The following DYSF variants were observed in gnomAD, a reference collection of about 807,000 sequenced individuals.
DYSF encodes the protein dystrophy-associated fer-1-like 1.
In DYSF, 212 loss-of-function variants were observed where a neutral mutation model predicts 274.9. That is an observed-to-expected ratio of 0.77 (90% confidence interval 0.69 to 0.86). DYSF has a LOEUF of 0.86. Among genes scored for constraint, DYSF ranks in the 40% least tolerant of loss-of-function variants. DYSF has a pLI of 0.00. For synonymous variants in DYSF, 1,091 were observed against 1,078.7 expected, an observed-to-expected ratio of 1.01 and a Z score of -0.22; for missense variants, 2,666 against 2,783.2, an observed-to-expected ratio of 0.96 and a Z score of 0.95.
intron 54 of DYSF, 58 bp from the exon 55 acceptor site, chr2:71,682,472 T>A: frequency 2.5e-6 from 4 of 1,612,438 alleles, no homozygotes; most frequent in South Asian, 1.1e-5. Flanking sequence ...AGAGAAGAGT[T>A]TGGAGAAAGC....
At chr2:71,507,927 C>A (rs2085665501) in intron 4 of DYSF, among the ~76,000 whole-genome samples, 1 of 152,204 alleles carries the variant, frequency 6.6e-6, no homozygotes, top group Non-Finnish European at 1.5e-5. Flanking sequence ...ATAGCTGGGA[C>A]TACAAGCATG....
At chr2:71,574,442 G>A in intron 30 of DYSF, 71 bp downstream of exon 30, 1 of 1,562,434 alleles carries the variant, frequency 6.4e-7, no homozygotes, top group Non-Finnish European at 8.7e-7. Flanking sequence ...TCGGGCTGAT[G>A]TGGGAGAGGC....
At chr2:71,599,832 A>G (rs1156343727) in intron 33 of DYSF, among the ~76,000 whole-genome samples, 1 of 152,214 alleles carries the variant, frequency 6.6e-6, no homozygotes, top group Admixed American at 6.5e-5. Flanking sequence ...GCTGCTGTCT[A>G]TATGCCTCAC....
intron 42 of DYSF, among the ~76,000 whole-genome samples, chr2:71,649,137 CAAAAAAAAAA>C (rs376775027): frequency 4.8e-4 from 43 of 89,718 alleles, no homozygotes; most frequent in African/African-American, 1.8e-3. Flanking sequence ...ACTTTGTCTC[CAAAAAAAAAA>C]AAAAAAAAAA....
At chr2:71,580,932 G>T (rs1211916031) in intron 30 of DYSF, among the ~76,000 whole-genome samples, 2 of 152,252 alleles carry the variant, frequency 1.3e-5, no homozygotes, top group Non-Finnish European at 2.9e-5. Context: ...GTGTGTTACA[G>T]TTGGGCACAT....
chr2:71,527,412 C>A (rs1010161906), intron 13 of DYSF, among the ~76,000 whole-genome samples: 1 of 152,110 alleles, frequency 6.6e-6, no homozygotes, highest in African/African-American at 2.4e-5. Context: ...CTGAAGAAAG[C>A]CTGTAAATAA....
intron 30 of DYSF, among the ~76,000 whole-genome samples, chr2:71,582,133 A>AAAAAT (rs2092918643): frequency 6.7e-6 from 1 of 149,170 alleles, no homozygotes; most frequent in Non-Finnish European, 1.5e-5. Context: ...AAAAAAAAAA[A>AAAAAT]GGCTTTATTG....
At chr2:71,478,961 A>T (rs2082648012) in intron 1 of DYSF, among the ~76,000 whole-genome samples, 1 of 151,790 alleles carries the variant, frequency 6.6e-6, no homozygotes, top group African/African-American at 2.4e-5. Context: ...ACCCCACAGG[A>T]GGCTGCACCT....
At chr2:71,511,677 C>A (rs1191850715) in intron 4 of DYSF, 130 bp from the exon 5 acceptor site, 2 of 727,006 alleles carry the variant, frequency 2.8e-6, no homozygotes, top group African/African-American at 1.7e-5. Flanking sequence ...TTTGCCACAG[C>A]CTCCTGCAAA....
intron 36 of DYSF, among the ~76,000 whole-genome samples, chr2:71,609,799 G>A (rs2093714501): frequency 6.6e-6 from 1 of 152,172 alleles, no homozygotes; most frequent in Admixed American, 6.5e-5. Flanking sequence ...TCATGGAGGT[G>A]GGGGGAAGCT....
intron 17 of DYSF, among the ~76,000 whole-genome samples, chr2:71,544,442 C>A (rs1219620401): frequency 6.8e-6 from 1 of 147,868 alleles, no homozygotes; most frequent in East Asian, 1.9e-4. Flanking sequence ...GGAGGAGATA[C>A]CATTTTTAAA....
intron 53 of DYSF, among the ~76,000 whole-genome samples, chr2:71,680,221 C>A (rs1262971497): frequency 6.6e-6 from 1 of 152,140 alleles, no homozygotes; most frequent in Admixed American, 6.5e-5. Context: ...CCCTAGAAAT[C>A]AAACCCAAAG....
At chr2:71,602,611 T>A in intron 35 of DYSF, 165 bp from the exon 36 acceptor site, 2 of 674,426 alleles carry the variant, frequency 3.0e-6, no homozygotes, top group Non-Finnish European at 5.3e-6. Context: ...GCATCATTCT[T>A]ACCCTTGGTG....
At chr2:71,608,450 G>A (rs1462488294) in intron 36 of DYSF, among the ~76,000 whole-genome samples, 2 of 152,134 alleles carry the variant, frequency 1.3e-5, no homozygotes, top group South Asian at 4.1e-4. Context: ...GGGACAGCAC[G>A]GTGGACAGAG....
intron 24 of DYSF, 45 bp downstream of exon 24, chr2:71,564,258 A>C (rs747531546): frequency 2.5e-6 from 4 of 1,612,284 alleles, no homozygotes; most frequent in Non-Finnish European, 3.4e-6. Context: ...TTTTCCCAAC[A>C]TAAGGCCTTT....
chr2:71,479,308 C>A (rs1573386758), intron 1 of DYSF, among the ~76,000 whole-genome samples: 1 of 151,694 alleles, frequency 6.6e-6, no homozygotes, highest in South Asian at 2.1e-4. Context: ...TTCTTTGGGA[C>A]CTTCAACACT....
chr2:71,660,537 A>T (rs746468668), intron 44 of DYSF, 23 bp from the exon 45 acceptor site: 1 of 1,601,626 alleles, frequency 6.2e-7, no homozygotes, highest in South Asian at 1.1e-5. Flanking sequence ...GTTTTCACAG[A>T]AGTGTTTTGT....
At chr2:71,501,311 G>A (rs908768074) in intron 3 of DYSF, among the ~76,000 whole-genome samples, 4 of 152,164 alleles carry the variant, frequency 2.6e-5, no homozygotes, top group African/African-American at 7.2e-5. Context: ...GCAAGGGCAC[G>A]AGCAAGGCGG....
At chr2:71,488,006 A>G (rs937869673) in intron 3 of DYSF, among the ~76,000 whole-genome samples, 12 of 152,342 alleles carry the variant, frequency 7.9e-5, no homozygotes. Context: ...CCTGTTGGTA[A>G]CTGCAAACAC....
Sources: gnomAD v4.1 joint callset for allele counts (sites outside exome capture counted in the v4.1 genomes callset) on GRCh38, gnomAD v4.1.1 for gene constraint, MANE v1.5 for transcripts, NCBI Gene and HGNC (gene_info 2026-07-23, HGNC 2026-07-21) for gene names.